The following OR4E1 variants were observed in gnomAD, a reference collection of about 807,000 sequenced individuals.
OR4E1 encodes olfactory receptor 4E1.
rs766788258 is a variant in OR4E1 at position 21,670,611 on chromosome 14, G to T, written c.325C>A (p.His109Asn). The T allele has an allele frequency of 2.7e-5, 11 of 400,764 alleles. No individual in the cohort carries two copies. The highest frequency in any genetic ancestry group is 4.9e-5 in the Non-Finnish European group (11 of 226,664). 24.8% of individuals were successfully genotyped at this position (400,764 alleles called of 1,614,324 possible). A position where few individuals can be genotyped will look rare whatever the true frequency, so the allele number is the denominator to read the frequency against. ...AAGATCTCTGTGCAGGCAAAGAGGTGCAGGAAGAACATCTGGGTCACACAG... is the reference window on the plus strand; with the variant it reads ...AAGATCTCTGTGCAGGCAAAGAGGTTCAGGAAGAACATCTGGGTCACACAG... Reference protein sequence around the residue: ...DACVTQMFFLHLFACTEIFLL... With the variant: ...DACVTQMFFLNLFACTEIFLL... Residue 109 changes from histidine (H) to asparagine (N), a missense_variant, in exon 2 of 2, where the codon CAC becomes AAC. Transcript: ENST00000641792.
In OR4E1 at chr14:21,670,093, T is replaced by G; in HGVS notation, c.843A>C (p.Ala281=). The change falls in exon 2 of 2, where the codon GCA becomes GCC. Residue 281 remains alanine (A), a synonymous_variant. Coordinates refer to ENST00000641792, the MANE Select transcript of OR4E1 (RefSeq NM_001317107.2). ...EDKVVSVFFT[A]VTPLLNPIIY... The stretch of plus-strand genomic sequence containing the variant: ...TAATGGGGTTCAGCAGGGGGGTGAC[T>G]GCAGTGAAAAACACAGATACTACCT... 2.5e-6 allele frequency: 1 copy of G among 398,726 alleles called. No homozygotes were observed. The highest frequency in any genetic ancestry group is 4.4e-5 in the Admixed American group (1 of 22,714). The allele number at this position is 398,726 out of a possible 1,614,324, so 24.7% of individuals were successfully genotyped here.
intron 1 of OR4E1, among the ~76,000 whole-genome samples, chr14:21,671,822 A>G (rs546519965): frequency 6.6e-5 from 10 of 152,316 alleles, no homozygotes; most frequent in Non-Finnish European, 1.5e-4. Flanking sequence ...CATATGCATT[A>G]TAGTCACAGG....
rs894501241 is a variant in OR4E1 at position 21,673,466 on chromosome 14, G to A, written c.-394C>T. 2 of 152,024 alleles carry A rather than the reference G, an allele frequency of 1.3e-5. No individual in the cohort carries two copies. Among genetic ancestry groups the A allele is most frequent in the Non-Finnish European group, 1.5e-5 (1 of 68,040 alleles). The allele number at this position is 152,024 out of a possible 1,614,324, so 9.4% of individuals were successfully genotyped here. A position where few individuals can be genotyped will look rare whatever the true frequency, so the allele number is the denominator to read the frequency against. On this transcript the variant is annotated 5_prime_UTR_variant, in exon 1 of 2. Coordinates refer to ENST00000641792, the MANE Select transcript of OR4E1 (RefSeq NM_001317107.2). ...AAAATACAAAAAATTAGCTGGGCAT[G>A]TTGGCTTATACCTGTGGTTCCAGCT...
Position 21,668,277 on chromosome 14 carries a change from T to A in OR4E1, c.*1711A>T, listed in dbSNP as rs1387298810. 1.3e-5 allele frequency: 1 copy of A among 79,790 alleles called. No homozygotes were observed. The highest frequency in any genetic ancestry group is 2.9e-5 in the Non-Finnish European group (1 of 34,208). 4.9% of individuals were successfully genotyped at this position (79,790 alleles called of 1,614,324 possible). The stretch of plus-strand genomic sequence containing the variant: ...TGGAAAGATATTTAGATATTTCTCC[T>A]TATTGTCTGCCATTGCCTATAATAA... On this transcript the variant is annotated 3_prime_UTR_variant, in exon 2 of 2. Coordinates refer to ENST00000641792, the MANE Select transcript of OR4E1 (RefSeq NM_001317107.2).
chr14:21,671,524 G>A (rs1487159443), intron 1 of OR4E1, among the ~76,000 whole-genome samples: 1 of 152,200 alleles, frequency 6.6e-6, no homozygotes, highest in African/African-American at 2.4e-5. Flanking sequence ...AATTGGCAAC[G>A]TGGCTGTGAT....
In OR4E1 at chr14:21,669,787, A is replaced by C. The variant is rs907435480; in HGVS notation, c.*201T>G. On this transcript the variant is annotated 3_prime_UTR_variant, in exon 2 of 2. Coordinates refer to ENST00000641792, the MANE Select transcript of OR4E1 (RefSeq NM_001317107.2). ...AATATCTACCTTTCAAAGTTGTGAG[A>C]ATTAAGTAAATGCACAGTGCCTAGA... The C allele has an allele frequency of 5.7e-6, 2 of 351,378 alleles. No individual in the cohort carries two copies. The highest frequency in any genetic ancestry group is 1.0e-5 in the Non-Finnish European group (2 of 196,734). The allele number at this position is 351,378 out of a possible 1,614,324, so 21.8% of individuals were successfully genotyped here.
intron 1 of OR4E1, among the ~76,000 whole-genome samples, chr14:21,672,436 A>G (rs969728519): frequency 3.9e-5 from 6 of 152,328 alleles, no homozygotes; most frequent in African/African-American, 1.4e-4. Flanking sequence ...CACTGTGTCC[A>G]GTGTTTGGAT....
chr14:21,668,494 G>A lies in OR4E1; in HGVS notation c.*1494C>T, dbSNP rs963174099. The A allele has an allele frequency of 6.6e-6, 1 of 152,092 alleles. No homozygotes were observed. Among genetic ancestry groups the A allele is most frequent in the East Asian group, 1.9e-4 (1 of 5,182 alleles). The allele number at this position is 152,092 out of a possible 1,614,324, so 9.4% of individuals were successfully genotyped here. A position where few individuals can be genotyped will look rare whatever the true frequency, so the allele number is the denominator to read the frequency against. ...TGCATTTAAGCATGCCTTTTTTAGC[G>A]ATGATGTGAGAACAAACTGATGATT... On this transcript the variant is annotated 3_prime_UTR_variant, in exon 2 of 2. Coordinates refer to ENST00000641792, the MANE Select transcript of OR4E1 (RefSeq NM_001317107.2).
In OR4E1 at chr14:21,670,088, G is replaced by T. The variant is rs1027845602; in HGVS notation, c.848C>A (p.Thr283Asn). 7.5e-6 allele frequency: 3 copies of T among 398,576 alleles called. No homozygotes were observed. The highest frequency in any genetic ancestry group is 4.1e-5 in the African/African-American group (2 of 48,576). 24.7% of individuals were successfully genotyped at this position (398,576 alleles called of 1,614,324 possible). Residue 283 changes from threonine to asparagine, a missense_variant, in exon 2 of 2, where the codon ACC becomes AAC. Physicochemically the swap from Thr to Asn is moderately conservative, Grantham distance 65. Transcript: ENST00000641792. ...KVVSVFFTAV[T>N]PLLNPIIYTL... ...ATAGATAATGGGGTTCAGCAGGGGG[G>T]TGACTGCAGTGAAAAACACAGATAC...
chr14:21,670,315 A>C lies in OR4E1; in HGVS notation c.621T>G (p.Ser207Arg). The C allele has an allele frequency of 2.5e-6, 1 of 397,900 alleles. No individual in the cohort carries two copies. Among genetic ancestry groups the C allele is most frequent in the African/African-American group, 2.1e-5 (1 of 48,678 alleles). 24.6% of individuals were successfully genotyped at this position (397,900 alleles called of 1,614,324 possible). The stretch of plus-strand genomic sequence containing the variant: ...CAAAACAGACCACGGAGATCAATCC[A>C]CTGTTGGAGACAATGAGGATCTCAA... ...HVIEILIVSN[S>R]GLISVVCFVV... The change falls in exon 2 of 2, where the codon AGT becomes AGG. Residue 207 changes from serine to arginine, a missense_variant. Ser to Arg is a moderately radical substitution (Grantham distance 110). Transcript: ENST00000641792.
chr14:21,673,016 A>G (rs1881033087), intron 1 of OR4E1, 74 bp downstream of exon 1: 1 of 152,210 alleles, frequency 6.6e-6, no homozygotes, highest in East Asian at 1.9e-4. Context: ...CTGCACTTTC[A>G]ATATCAAGAC....
intron 1 of OR4E1, among the ~76,000 whole-genome samples, chr14:21,672,093 T>C (rs1338048739): frequency 6.6e-6 from 1 of 152,150 alleles, no homozygotes; most frequent in African/African-American, 2.4e-5. Flanking sequence ...TCTCTCTTCC[T>C]CTCCTTGGTG....
rs1880769318 is a variant in OR4E1 at position 21,668,693 on chromosome 14, C to T, written c.*1295G>A. The stretch of plus-strand genomic sequence containing the variant: ...GTTTATCCAACTTGGTGTTTTCTAC[C>T]AAGTTTCTACCAAGTTGTTTTCTAA... On this transcript the variant is annotated 3_prime_UTR_variant, in exon 2 of 2. Coordinates refer to ENST00000641792, the MANE Select transcript of OR4E1 (RefSeq NM_001317107.2). 1 of 152,160 alleles carries T rather than the reference C, an allele frequency of 6.6e-6. No homozygotes were observed. Among genetic ancestry groups the T allele is most frequent in the South Asian group, 2.1e-4 (1 of 4,830 alleles). 9.4% of individuals were successfully genotyped at this position (152,160 alleles called of 1,614,324 possible). A position where few individuals can be genotyped will look rare whatever the true frequency, so the allele number is the denominator to read the frequency against.
At position 21,670,123 on chromosome 14, in the gene OR4E1, C is replaced by T. The variant is rs185717506; in HGVS notation, c.813G>A (p.Glu271=). ...IYSRPSTSLP[E]DKVVSVFFTA... is the part of the protein sequence containing the mutation. The stretch of plus-strand genomic sequence containing the variant: ...TGAAAAACACAGATACTACCTTGTC[C>T]TCTGGGAGGCTGGTGGATGGGCGGG... Residue 271 remains glutamate, a synonymous_variant, in exon 2 of 2, where the codon GAG becomes GAA. Coordinates refer to ENST00000641792, the MANE Select transcript of OR4E1 (RefSeq NM_001317107.2). The T allele has an allele frequency of 9.7e-3, 3,851 of 398,808 alleles. 28 individuals are homozygous for T. Among genetic ancestry groups the T allele is most frequent in the Middle Eastern group, 0.035 (55 of 1,588 alleles). The allele number at this position is 398,808 out of a possible 1,614,324, so 24.7% of individuals were successfully genotyped here.
chr14:21,671,972 C>T lies in OR4E1; in HGVS notation c.-17-1020G>A, dbSNP rs191580275. On this transcript the variant is annotated intron_variant, in intron 1 of 1. Coordinates refer to ENST00000641792, the MANE Select transcript of OR4E1 (RefSeq NM_001317107.2). ...TGGAGTCACAGCTGGGTCTAGAGCT[C>T]AGGTCTCCCGACTCTTGGTTCAGGC... 8.7e-4 allele frequency among the ~76,000 whole-genome samples: 132 copies of T among 152,180 alleles called. 1 individual carries two copies. The highest frequency in any genetic ancestry group is 2.9e-3 in the African/African-American group (120 of 41,534).
intron 1 of OR4E1, among the ~76,000 whole-genome samples, chr14:21,672,159 T>C (rs1195445992): frequency 2.6e-5 from 4 of 152,230 alleles, no homozygotes; most frequent in African/African-American, 7.2e-5. Context: ...CTCTCTTTTC[T>C]AGCTTTCCTC....
At position 21,668,726 on chromosome 14, in the gene OR4E1, T is replaced by G. The variant is rs192889641; in HGVS notation, c.*1262A>C. 4 of 152,338 alleles carry G rather than the reference T, an allele frequency of 2.6e-5. No homozygotes were observed. In the East Asian group the frequency reaches 7.7e-4, roughly 29 times the overall value. 9.4% of individuals were successfully genotyped at this position (152,338 alleles called of 1,614,324 possible). A position where few individuals can be genotyped will look rare whatever the true frequency, so the allele number is the denominator to read the frequency against. On this transcript the variant is annotated 3_prime_UTR_variant, in exon 2 of 2. Coordinates refer to ENST00000641792, the MANE Select transcript of OR4E1 (RefSeq NM_001317107.2). Reference sequence around the variant, plus strand: ...TACCAAGTTGTTTTCTAAGTATTTATGACTAAGTACTTAACAGTCATCCAT... The same window carrying G: ...TACCAAGTTGTTTTCTAAGTATTTAGGACTAAGTACTTAACAGTCATCCAT...
At chr14:21,672,940 C>T (rs1415979610) in intron 1 of OR4E1, 150 bp downstream of exon 1, 1 of 152,158 alleles carries the variant, frequency 6.6e-6, no homozygotes, top group Non-Finnish European at 1.5e-5. Flanking sequence ...ACTAAAATAT[C>T]TATAAAAGTC....
chr14:21,672,264 A>G (rs749271450), intron 1 of OR4E1, among the ~76,000 whole-genome samples: 20 of 152,074 alleles, frequency 1.3e-4, no homozygotes, highest in Non-Finnish European at 2.5e-4. Flanking sequence ...GATCCTTGCT[A>G]CTTCCTTCCT....
Sources: allele counts gnomAD v4.1 joint callset (sites outside exome capture counted in the v4.1 genomes callset), GRCh38; gene constraint gnomAD v4.1.1; transcripts MANE v1.5; gene names NCBI Gene and HGNC (gene_info 2026-07-23, HGNC 2026-07-21).